RSAD2: variants seen among roughly 807,000 people sequenced by gnomAD.
RSAD2 encodes S-adenosylmethionine-dependent nucleotide dehydratase RSAD2.
Under a neutral mutation model 37.7 loss-of-function variants are expected in RSAD2, and 38 were observed. The ratio of observed to expected loss-of-function variants is 1.01; its 90% CI spans 0.78 to 1.32. RSAD2 has a LOEUF of 1.32. Ranked by LOEUF, RSAD2 falls within the 40% of genes most tolerant of loss-of-function variation. The pLI is 0.00. For missense variants in RSAD2, 428 were observed against 437.5 expected (o/e 0.98, Z 0.19); for synonymous variants, 163 against 157.4 (o/e 1.04, Z -0.27).
chr2:6,872,936 T>C (rs1165477230), upstream of RSAD2, among the ~76,000 whole-genome samples: 1 of 152,210 alleles, frequency 6.6e-6, no homozygotes, highest in Non-Finnish European at 1.5e-5. Context: ...TTAATAGTAA[T>C]CCTCTAAACT....
intron 1 of RSAD2, among the ~76,000 whole-genome samples, chr2:6,868,609 A>G (rs1191677419): frequency 6.6e-6 from 1 of 152,266 alleles, no homozygotes; most frequent in Non-Finnish European, 1.5e-5. Context: ...TCACTTAGTT[A>G]TCAAGGAACA....
intron 1 of RSAD2, among the ~76,000 whole-genome samples, chr2:6,871,230 T>G (rs1312493082): frequency 1.3e-5 from 2 of 152,212 alleles, no homozygotes; most frequent in Non-Finnish European, 2.9e-5. Flanking sequence ...GAAACAACAT[T>G]GAAACCATTC....
intron 5 of RSAD2, among the ~76,000 whole-genome samples, chr2:6,894,968 C>A (rs1663708367): frequency 6.6e-6 from 1 of 152,246 alleles, no homozygotes; most frequent in Non-Finnish European, 1.5e-5. Context: ...ACTCACTGGT[C>A]TCCACATATT....
intron 3 of RSAD2, among the ~76,000 whole-genome samples, chr2:6,887,534 T>C (rs1364352410): frequency 6.6e-6 from 1 of 152,236 alleles, no homozygotes; most frequent in Non-Finnish European, 1.5e-5. Flanking sequence ...CAGATACCGG[T>C]TCCTCATAAA....
chr2:6,888,223 A>G (rs147482725), intron 3 of RSAD2, among the ~76,000 whole-genome samples: 2 of 152,308 alleles, frequency 1.3e-5, no homozygotes, highest in Admixed American at 6.5e-5. Context: ...GGGATATTCT[A>G]TCATTTTCCT....
rs1463233179 is a variant in RSAD2, at chr2:6,887,001, G to T, written c.575G>T (p.Gly192Val). The T allele has an allele frequency of 4.3e-6, 7 of 1,614,152 alleles. No homozygotes were observed. The East Asian group carries it at 1.6e-4, about 36-fold the overall frequency. Residue 192 changes from glycine to valine, a missense_variant, in exon 3 of 6, where the codon GGC becomes GTC. Physicochemically the swap from Gly to Val is moderately radical, Grantham distance 109 (BLOSUM62 -3). Coordinates refer to ENST00000382040, the MANE Select transcript of RSAD2 (RefSeq NM_080657.5). Reference protein sequence around the residue: ...SFDEEVNVLIGRGQGKKNHVE... With the variant: ...SFDEEVNVLIVRGQGKKNHVE... ...GACGAGGAAGTCAATGTCCTTATTG[G>T]CCGTGGCCAAGGAAAGAAGAACCAT... is the stretch of plus-strand genomic sequence containing the variant.
chr2:6,866,049 G>C (rs1210287816), intron 1 of RSAD2: 2 of 321,038 alleles, frequency 6.2e-6, no homozygotes, highest in Non-Finnish European at 1.1e-5. Context: ...CCCCAAGGTA[G>C]CTCCGTGTGC....
upstream of RSAD2, among the ~76,000 whole-genome samples, chr2:6,875,907 T>C (rs929108807): frequency 2.0e-5 from 3 of 152,328 alleles, no homozygotes; most frequent in Admixed American, 2.0e-4. Flanking sequence ...AACTAGATTC[T>C]GCTTGGAATT....
intron 1 of RSAD2, among the ~76,000 whole-genome samples, chr2:6,871,900 T>C (rs948764885): frequency 4.6e-5 from 7 of 152,232 alleles, no homozygotes; most frequent in African/African-American, 1.7e-4. Context: ...CAGAAAAATA[T>C]GCATATATTT....
At chr2:6,895,226 C>T (rs115899862) in intron 5 of RSAD2, among the ~76,000 whole-genome samples, 2 of 152,308 alleles carry the variant, frequency 1.3e-5, no homozygotes, top group African/African-American at 2.4e-5. Flanking sequence ...ATGGAAGACT[C>T]CTCTTGATCT....
At chr2:6,882,915 G>A (rs757901258) in intron 1 of RSAD2, among the ~76,000 whole-genome samples, 2 of 152,158 alleles carry the variant, frequency 1.3e-5, no homozygotes, top group East Asian at 3.8e-4. Flanking sequence ...CCTGCTTTAC[G>A]TTTTTTTCAG....
At chr2:6,887,441 A>G (rs534350968) in intron 3 of RSAD2, among the ~76,000 whole-genome samples, 1 of 152,360 alleles carries the variant, frequency 6.6e-6, no homozygotes, top group South Asian at 2.1e-4. Flanking sequence ...ATAAAAAAAT[A>G]TGCTCAGTGC....
chr2:6,871,502 G>A (rs1335265573), intron 1 of RSAD2, among the ~76,000 whole-genome samples: 1 of 152,204 alleles, frequency 6.6e-6, no homozygotes, highest in African/African-American at 2.4e-5. Context: ...TTCTGTATTT[G>A]AGATGTAAAT....
upstream of RSAD2, among the ~76,000 whole-genome samples, chr2:6,876,355 C>T (rs1344619105): frequency 1.3e-5 from 2 of 152,160 alleles, no homozygotes; most frequent in Non-Finnish European, 2.9e-5. Context: ...TAACAGATGC[C>T]TGCAAGAGAC....
At chr2:6,876,638 A>G (rs188884952), upstream of RSAD2, 4 of 152,326 alleles carry the variant, frequency 2.6e-5, no homozygotes, top group Admixed American at 1.3e-4. Flanking sequence ...TAAGCATACA[A>G]TTTTGCAGAT....
chr2:6,887,141 G>A lies in RSAD2; in HGVS notation c.715G>A (p.Ala239Thr). Residue 239 changes from alanine to threonine, a missense_variant, in exon 3 of 6, where the codon GCA becomes ACA. Ala to Thr is a moderately conservative substitution (Grantham distance 58, BLOSUM62 0). Coordinates refer to ENST00000382040, the MANE Select transcript of RSAD2 (RefSeq NM_080657.5). ...VEEDMTEQIKALNPVRWKVFQ... is the reference protein window; with the variant it reads ...VEEDMTEQIKTLNPVRWKVFQ... Reference sequence around the variant, plus strand: ...AGAGGACATGACGGAACAGATCAAAGCACTAAACCCTGTCCGCTGGAAAGT... The same window carrying A: ...AGAGGACATGACGGAACAGATCAAAACACTAAACCCTGTCCGCTGGAAAGT... 1 of 1,610,160 alleles carries A rather than the reference G, an allele frequency of 6.2e-7. No homozygotes were observed. Among genetic ancestry groups the A allele is most frequent in the Non-Finnish European group, 8.5e-7 (1 of 1,177,650 alleles).
chr2:6,879,069 C>T (rs1663349004), intron 1 of RSAD2: 1 of 456,096 alleles, frequency 2.2e-6, no homozygotes, highest in Non-Finnish European at 4.4e-6. Flanking sequence ...TTCTAACACA[C>T]AGATTCATTT....
intron 5 of RSAD2, among the ~76,000 whole-genome samples, 179 bp downstream of exon 5, chr2:6,893,882 G>C (rs1663685147): frequency 6.6e-6 from 1 of 152,212 alleles, no homozygotes; most frequent in Non-Finnish European, 1.5e-5. Flanking sequence ...AGGGTCAAAT[G>C]TGGAGCTAAA....
chr2:6,873,912 A>G (rs1663241023), upstream of RSAD2, among the ~76,000 whole-genome samples: 1 of 152,200 alleles, frequency 6.6e-6, no homozygotes, highest in Non-Finnish European at 1.5e-5. Context: ...AGATCTTAAA[A>G]TTCCAAGATG....
Sources: gnomAD v4.1 joint callset for allele counts (sites outside exome capture counted in the v4.1 genomes callset) on GRCh38, gnomAD v4.1.1 for gene constraint, MANE v1.5 for transcripts, NCBI Gene and HGNC (gene_info 2026-07-23, HGNC 2026-07-21) for gene names.